Variants in TUT4 observed in about 807,000 individuals in gnomAD.
TUT4 encodes terminal uridylyl transferase 4, also known as terminal uridylyltransferase 4.
TUT4 carries 36 observed loss-of-function variants against 192.2 expected under a neutral mutation model. That is an observed-to-expected ratio of 0.19 (90% CI 0.14 to 0.25). The LOEUF (loss-of-function observed/expected upper bound fraction) is 0.25, where lower values mean the gene tolerates loss of function less well. Among genes scored for constraint, TUT4 ranks in the 10% least tolerant of loss-of-function variants. The probability of loss-of-function intolerance (pLI) is 1.00; values close to 1 mark genes in which losing one functional copy is unlikely to be tolerated. For synonymous variants in TUT4, 618 were observed against 666.0 expected (o/e 0.93, Z 1.11); for missense variants, 1,493 against 1,957.2 (o/e 0.76, Z 4.47).
chr1:52,455,328 CA>C lies in TUT4; in HGVS notation c.3435+3007del, dbSNP rs903338721. Among the ~76,000 whole-genome samples the C allele has an allele frequency of 3.9e-5, 6 of 152,022 alleles. No individual in the cohort carries two copies. In the South Asian group the frequency reaches 1.2e-3, roughly 32 times the overall value. Reference sequence around the variant, plus strand: ...AATAAAACAAAATATTAGATTGAAGCAAAAGTAATTGCGGTTTTGCCATTAA... The same window carrying C: ...AATAAAACAAAATATTAGATTGAAGCAAAGTAATTGCGGTTTTGCCATTAA... On this transcript the variant is annotated intron_variant, in intron 20 of 29. Coordinates refer to ENST00000257177, the MANE Select transcript of TUT4 (RefSeq NM_001009881.3).
intron 1 of TUT4, among the ~76,000 whole-genome samples, chr1:52,537,187 T>TA (rs913999448): frequency 4.0e-5 from 6 of 150,732 alleles, no homozygotes; most frequent in Admixed American, 6.6e-5. Flanking sequence ...AAATAAAAAT[T>TA]AAAAAAAAGA....
chr1:52,446,652 G>T lies in TUT4; in HGVS notation c.3451C>A (p.Gln1151Lys), dbSNP rs1657600329. ...PVLQEIFDGKQIPQRMVDGWN... is the reference protein window; with the variant it reads ...PVLQEIFDGKKIPQRMVDGWN... Reference sequence around the variant, plus strand: ...CCATCAACCATTCTCTGTGGAATCTGTTTTCCATCAAAGATCTGCATAAAA... The same window carrying T: ...CCATCAACCATTCTCTGTGGAATCTTTTTTCCATCAAAGATCTGCATAAAA... The change falls in exon 21 of 30, where the codon CAG becomes AAG. Residue 1151 changes from glutamine to lysine, a missense_variant. Transcript: ENST00000257177. The T allele has an allele frequency of 1.2e-6, 2 of 1,602,828 alleles. No homozygotes were observed. The highest frequency in any genetic ancestry group is 1.7e-6 in the Non-Finnish European group (2 of 1,176,926).
At chr1:52,532,233 A>G (rs1683665491) in intron 1 of TUT4, among the ~76,000 whole-genome samples, 1 of 151,188 alleles carries the variant, frequency 6.6e-6, no homozygotes, top group Admixed American at 6.6e-5. Context: ...CCAACTCCCA[A>G]TTTCTCTCCT....
chr1:52,544,159 C>T (rs1161980922), intron 1 of TUT4, among the ~76,000 whole-genome samples: 5 of 151,692 alleles, frequency 3.3e-5, no homozygotes, highest in Admixed American at 6.6e-5. Flanking sequence ...TGGTGGTGGG[C>T]GCCTGTAGTC....
intron 29 of TUT4, 167 bp downstream of exon 29, chr1:52,425,182 G>T: frequency 1.4e-6 from 1 of 711,726 alleles, no homozygotes; most frequent in Non-Finnish European, 2.2e-6. Context: ...AAGTAATGGA[G>T]ATTTTGTTTT....
intron 1 of TUT4, among the ~76,000 whole-genome samples, chr1:52,527,807 A>G (rs371835942): frequency 3.9e-5 from 6 of 152,118 alleles, no homozygotes; most frequent in East Asian, 3.9e-4. Flanking sequence ...GGGGGAGGCT[A>G]TGCATGTGTG....
intron 11 of TUT4, among the ~76,000 whole-genome samples, chr1:52,478,097 C>T (rs1366805513): frequency 1.3e-5 from 2 of 152,174 alleles, no homozygotes; most frequent in African/African-American, 2.4e-5. Flanking sequence ...ACCAGTGATT[C>T]TCAACCTTGG....
At chr1:52,441,935 G>T (rs756932714) in intron 24 of TUT4, among the ~76,000 whole-genome samples, 4 of 152,042 alleles carry the variant, frequency 2.6e-5, no homozygotes, top group Middle Eastern at 3.4e-3. Context: ...TTGGGAGGCC[G>T]AGGCGGGCAA....
At chr1:52,552,062 G>T (rs1689589227) in intron 1 of TUT4, among the ~76,000 whole-genome samples, 1 of 152,188 alleles carries the variant, frequency 6.6e-6, no homozygotes, top group East Asian at 1.9e-4. Flanking sequence ...AAATGAAGAA[G>T]CAGATATACG....
At chr1:52,458,878 G>T (rs1661690761) in intron 19 of TUT4, among the ~76,000 whole-genome samples, 1 of 152,058 alleles carries the variant, frequency 6.6e-6, no homozygotes, top group South Asian at 2.1e-4. Context: ...TATGTGAAAT[G>T]ACTAAGAAGG....
At chr1:52,449,917 T>C (rs1260179178) in intron 20 of TUT4, among the ~76,000 whole-genome samples, 1 of 152,242 alleles carries the variant, frequency 6.6e-6, no homozygotes, top group South Asian at 2.1e-4. Flanking sequence ...CTTAGCATAA[T>C]GTCCTCAAGA....
chr1:52,490,493 G>GA (rs113552548), intron 8 of TUT4, among the ~76,000 whole-genome samples: 123 of 143,390 alleles, frequency 8.6e-4, no homozygotes, highest in African/African-American at 8.6e-4. Context: ...TGAATGACTT[G>GA]AAAAAAAAAA....
intron 13 of TUT4, among the ~76,000 whole-genome samples, chr1:52,473,942 C>G (rs1666440854): frequency 6.6e-6 from 1 of 152,150 alleles, no homozygotes. Flanking sequence ...TGCAGTAGCT[C>G]ACATCTATAA....
At chr1:52,486,317 C>A (rs1669770347) in intron 9 of TUT4, among the ~76,000 whole-genome samples, 1 of 152,118 alleles carries the variant, frequency 6.6e-6, no homozygotes, top group Non-Finnish European at 1.5e-5. Context: ...TAATAATGTA[C>A]TGATGATAAG....
rs1018616455 is a variant in TUT4 at position 52,436,812 on chromosome 1, C to G, written c.4105G>C (p.Val1369Leu). The part of the protein sequence containing the change: ...RCFICGDAGH[V>L]RRECPEVKLA... ...TTGACCTCTGGGCACTCCCTTCGTACATGTCCAGCATCTCCACATATAAAA... is the reference window on the plus strand; with the variant it reads ...TTGACCTCTGGGCACTCCCTTCGTAGATGTCCAGCATCTCCACATATAAAA... The change falls in exon 26 of 30, where the codon GTA becomes CTA. Residue 1369 changes from valine (V) to leucine (L), a missense_variant. Around this residue, in one of 7 missense-constraint regions of TUT4, gnomAD observed 351 missense variants for 397.8 expected, o/e 0.88. Coordinates refer to ENST00000257177, the MANE Select transcript of TUT4 (RefSeq NM_001009881.3). 1 of 1,613,832 alleles carries G rather than the reference C, an allele frequency of 6.2e-7. No individual in the cohort carries two copies. The highest frequency in any genetic ancestry group is 8.5e-7 in the Non-Finnish European group (1 of 1,180,030).
chr1:52,477,430 TG>T (rs1667391427), intron 12 of TUT4, among the ~76,000 whole-genome samples: 1 of 152,024 alleles, frequency 6.6e-6, no homozygotes, highest in South Asian at 2.1e-4. Flanking sequence ...AAAAATTAGC[TG>T]GGCATGGTAG....
At chr1:52,508,157 C>A (rs1676127989) in intron 4 of TUT4, among the ~76,000 whole-genome samples, 1 of 151,702 alleles carries the variant, frequency 6.6e-6, no homozygotes, top group Non-Finnish European at 1.5e-5. Flanking sequence ...CCAGGTGAAA[C>A]CCCGTCTCTA....
intron 1 of TUT4, among the ~76,000 whole-genome samples, chr1:52,530,125 G>A (rs1400517036): frequency 1.3e-5 from 2 of 152,048 alleles, no homozygotes; most frequent in African/African-American, 2.4e-5. Flanking sequence ...CTACAGGCAT[G>A]AGTCACTGCG....
intron 28 of TUT4, among the ~76,000 whole-genome samples, chr1:52,427,088 C>T (rs1320044193): frequency 1.3e-5 from 2 of 152,046 alleles, no homozygotes; most frequent in Non-Finnish European, 2.9e-5. Flanking sequence ...GAAAACTAAA[C>T]TCACTACTAG....
Sources: allele counts gnomAD v4.1 joint callset (sites outside exome capture counted in the v4.1 genomes callset), GRCh38; gene constraint gnomAD v4.1.1; regional missense constraint gnomAD v4.1.1; transcripts MANE v1.5; gene names NCBI Gene and HGNC (gene_info 2026-07-23, HGNC 2026-07-21).